The following NR2C2 variants were observed in gnomAD, a reference collection of about 807,000 sequenced individuals.
NR2C2 encodes the protein Nuclear hormone receptor TR4.
NR2C2 carries 6 observed loss-of-function variants against 62.9 expected under a neutral mutation model. The ratio of observed to expected loss-of-function variants is 0.10; its 90% CI spans 0.05 to 0.19. NR2C2 has a LOEUF of 0.19. Among genes scored for constraint, NR2C2 ranks in the 10% least tolerant of loss-of-function variants. The pLI, the probability that NR2C2 is intolerant of heterozygous loss-of-function variation, is 1.00. For missense variants in NR2C2, 479 were observed against 762.7 expected, an observed-to-expected ratio of 0.63 and a Z score of 4.38; for synonymous variants, 272 against 273.8, an observed-to-expected ratio of 0.99 and a Z score of 0.07.
At chr3:14,981,602 CAAAAAAA>C (rs927608192) in intron 1 of NR2C2, among the ~76,000 whole-genome samples, 15 of 37,684 alleles carry the variant, frequency 4.0e-4, no homozygotes, top group African/African-American at 1.7e-3. Context: ...GGCTCTGTCT[CAAAAAAA>C]AAAAAAAAAA....
rs2041577190 is a variant in NR2C2, at chr3:15,018,525, C to T, written c.377-2228C>T. Among the ~76,000 whole-genome samples, 4 of 152,164 alleles carry T rather than the reference C, an allele frequency of 2.6e-5. No homozygotes were observed. The South Asian group carries it at 8.3e-4, about 31-fold the overall frequency. ...AAAAATGCTCAACATCACTAATCTT[C>T]AGGGAAATGCAAATCACCACATGAG... is the stretch of plus-strand genomic sequence containing the variant. On this transcript the variant is annotated intron_variant, in intron 4 of 13. Coordinates refer to ENST00000425241, the MANE Select transcript of NR2C2 (RefSeq NM_001291694.2).
At chr3:15,003,837 C>A (rs1041179362) in intron 1 of NR2C2, 39 bp from the exon 2 acceptor site, 29 of 1,398,556 alleles carry the variant, frequency 2.1e-5, no homozygotes, top group Non-Finnish European at 2.9e-5. Flanking sequence ...GGGCATCATT[C>A]TGAACCCCCT....
chr3:14,953,169 A>G (rs1455336561), intron 1 of NR2C2, among the ~76,000 whole-genome samples: 3 of 152,204 alleles, frequency 2.0e-5, no homozygotes, highest in African/African-American at 7.2e-5. Context: ...AGTCAGCCTC[A>G]GAGGCAAGTG....
chr3:14,983,245 C>T (rs779465432), intron 1 of NR2C2, among the ~76,000 whole-genome samples: 14 of 152,212 alleles, frequency 9.2e-5, no homozygotes, highest in South Asian at 2.1e-4. Context: ...TAACCATCCC[C>T]GCCACTACCC....
chr3:15,032,492 G>A lies in NR2C2; in HGVS notation c.1224G>A (p.Gln408=). Residue 408 remains glutamine (Q), a synonymous_variant, in exon 10 of 14, where the codon CAG becomes CAA. Transcript: ENST00000425241. ...MHWARSIPAF[Q]ALGQDCNTSL... ...GGGCTCGGTCAATCCCAGCCTTTCA[G>A]GCACTTGGGTAAGTGGCCTCTTGCT... The A allele has an allele frequency of 1.9e-6, 3 of 1,614,204 alleles. No individual in the cohort carries two copies. The highest frequency in any genetic ancestry group is 2.5e-6 in the Non-Finnish European group (3 of 1,180,044).
intron 11 of NR2C2, 98 bp downstream of exon 11, chr3:15,034,907 A>ACCTTT: frequency 1.6e-6 from 2 of 1,243,912 alleles, no homozygotes; most frequent in Non-Finnish European, 2.2e-6. Context: ...TGTCAAAGAC[A>ACCTTT]CCTTTGTTGA....
chr3:14,953,156 G>A (rs541247928), intron 1 of NR2C2, among the ~76,000 whole-genome samples: 1 of 135,230 alleles, frequency 7.4e-6, no homozygotes, highest in Non-Finnish European at 1.8e-5. Context: ...CTGTAATGAT[G>A]AAAGTCAGCC....
At chr3:15,037,005 C>T (rs1369632628) in intron 11 of NR2C2, among the ~76,000 whole-genome samples, 1 of 151,812 alleles carries the variant, frequency 6.6e-6, no homozygotes, top group Non-Finnish European at 1.5e-5. Context: ...GCCTGTAATC[C>T]CAGTTACTTG....
At chr3:14,992,461 C>G (rs116652044) in intron 1 of NR2C2, among the ~76,000 whole-genome samples, 2,085 of 152,288 alleles carry the variant, frequency 0.014, 19 homozygotes, top group Non-Finnish European at 0.021. Context: ...ACAGAGACTG[C>G]TTATTCATCC....
chr3:15,033,491 T>C (rs2042029854), intron 10 of NR2C2, among the ~76,000 whole-genome samples: 1 of 152,078 alleles, frequency 6.6e-6, no homozygotes, highest in Non-Finnish European at 1.5e-5. Flanking sequence ...CCCTCCATGA[T>C]TAAAGGAAAG....
intron 1 of NR2C2, among the ~76,000 whole-genome samples, chr3:14,996,860 C>A (rs1396161491): frequency 6.6e-6 from 1 of 152,228 alleles, no homozygotes; most frequent in Admixed American, 6.5e-5. Context: ...CCACGCCTGG[C>A]TAGAGGGTTA....
chr3:14,998,178 TATTTG>T (rs1574980904), intron 1 of NR2C2, among the ~76,000 whole-genome samples: 1 of 152,322 alleles, frequency 6.6e-6, no homozygotes, highest in East Asian at 1.9e-4. Context: ...ATTTGGGAGA[TATTTG>T]AGTTGTTTCT....
intron 6 of NR2C2, 76 bp from the exon 7 acceptor site, chr3:15,024,039 G>A: frequency 9.8e-7 from 1 of 1,017,324 alleles, no homozygotes; most frequent in Non-Finnish European, 1.5e-6. Flanking sequence ...AATGTGGAAG[G>A]ACAGGTAAAT....
intron 11 of NR2C2, among the ~76,000 whole-genome samples, chr3:15,035,370 A>G (rs971465957): frequency 6.6e-6 from 1 of 152,264 alleles, no homozygotes; most frequent in African/African-American, 2.4e-5. Context: ...TACGATTAAT[A>G]TGAAGAAAAA....
chr3:14,986,267 A>C (rs2040511999), intron 1 of NR2C2, among the ~76,000 whole-genome samples: 1 of 152,316 alleles, frequency 6.6e-6, no homozygotes, highest in East Asian at 1.9e-4. Flanking sequence ...TGTGTATTTC[A>C]TGTAAATGCT....
At chr3:15,027,951 TG>T (rs1227389161) in intron 7 of NR2C2, among the ~76,000 whole-genome samples, 1 of 152,002 alleles carries the variant, frequency 6.6e-6, no homozygotes, top group Non-Finnish European at 1.5e-5. Flanking sequence ...CTCTGCCTCC[TG>T]GGTTCAAGTG....
chr3:15,028,518 C>T, intron 7 of NR2C2, 68 bp from the exon 8 acceptor site: 1 of 1,513,126 alleles, frequency 6.6e-7, no homozygotes, highest in Non-Finnish European at 9.1e-7. Flanking sequence ...AGCATTATAA[C>T]TTCATTGGCC....
At chr3:15,024,701 T>G (rs2125035933) in intron 7 of NR2C2, among the ~76,000 whole-genome samples, 1 of 152,286 alleles carries the variant, frequency 6.6e-6, no homozygotes, top group Non-Finnish European at 1.5e-5. Flanking sequence ...AGGGGGAGAC[T>G]TGCTGGCTCC....
intron 1 of NR2C2, among the ~76,000 whole-genome samples, chr3:15,001,870 G>C (rs940496201): frequency 6.6e-6 from 1 of 151,926 alleles, no homozygotes; most frequent in Non-Finnish European, 1.5e-5. Flanking sequence ...CTCCTACCTC[G>C]GTCTCCCAAA....
Sources: allele counts gnomAD v4.1 joint callset (sites outside exome capture counted in the v4.1 genomes callset), GRCh38; gene constraint gnomAD v4.1.1; transcripts MANE v1.5; gene names NCBI Gene and HGNC (gene_info 2026-07-23, HGNC 2026-07-21).